KCNK2: variants seen among roughly 807,000 people sequenced by gnomAD.
KCNK2 encodes the protein potassium two pore domain channel subfamily K member 2.
In KCNK2, 21 loss-of-function variants were observed where a neutral mutation model predicts 40.5. The observed-to-expected ratio is 0.52, with a 90% CI of 0.37 to 0.75. The LOEUF (loss-of-function observed/expected upper bound fraction) is 0.75, where lower values mean the gene tolerates loss of function less well. Ranked by LOEUF, KCNK2 falls within the 30% of genes least tolerant of loss-of-function variation. The probability of loss-of-function intolerance (pLI) is 0.00; values close to 1 mark genes in which losing one functional copy is unlikely to be tolerated. For missense variants in KCNK2, 399 were observed against 531.6 expected (o/e 0.75, Z 2.45); for synonymous variants, 191 against 202.2 (o/e 0.94, Z 0.47).
chr1:215,060,942 A>G (rs1339963428), intron 1 of KCNK2, among the ~76,000 whole-genome samples: 1 of 152,210 alleles, frequency 6.6e-6, no homozygotes, highest in African/African-American at 2.4e-5. Context: ...TTTTCTGATT[A>G]CAGAAGACAT....
chr1:215,202,829 G>C (rs993013514), intron 6 of KCNK2, among the ~76,000 whole-genome samples: 2 of 152,200 alleles, frequency 1.3e-5, no homozygotes, highest in African/African-American at 4.8e-5. Context: ...AGCTAGTAAA[G>C]TGGAAGAATC....
At chr1:215,182,959 C>T (rs1243061443) in intron 5 of KCNK2, among the ~76,000 whole-genome samples, 1 of 152,162 alleles carries the variant, frequency 6.6e-6, no homozygotes, top group Admixed American at 6.5e-5. Flanking sequence ...CAGAGGGAGG[C>T]TATCTGCCTC....
intron 6 of KCNK2, among the ~76,000 whole-genome samples, chr1:215,217,509 A>G (rs961267386): frequency 2.0e-5 from 3 of 152,086 alleles, no homozygotes; most frequent in African/African-American, 7.2e-5. Context: ...TTTATTACTC[A>G]CTTCTCATCT....
chr1:215,101,740 G>A (rs75527349), intron 2 of KCNK2, among the ~76,000 whole-genome samples: 12,525 of 152,006 alleles, frequency 0.082, 570 homozygotes, highest in Middle Eastern at 0.15. Flanking sequence ...TTATAATGGA[G>A]CTAAGAGTTC....
intron 6 of KCNK2, among the ~76,000 whole-genome samples, chr1:215,196,334 G>A (rs1448631135): frequency 1.7e-4 from 26 of 151,900 alleles, no homozygotes; most frequent in Admixed American, 1.4e-3. Context: ...TGATCTGCCC[G>A]CCTCTGCCTC....
At chr1:215,010,604 A>G (rs1375857007) in intron 1 of KCNK2, among the ~76,000 whole-genome samples, 2 of 152,142 alleles carry the variant, frequency 1.3e-5, no homozygotes, top group African/African-American at 4.8e-5. Context: ...CATGACGCCA[A>G]AGTGTTTTGT....
chr1:215,129,507 G>C (rs1022487992), intron 3 of KCNK2, among the ~76,000 whole-genome samples: 4 of 152,192 alleles, frequency 2.6e-5, no homozygotes, highest in African/African-American at 7.2e-5. Flanking sequence ...GTGTTCTAAA[G>C]AGGCTGATTC....
At position 215,150,062 on chromosome 1, in the gene KCNK2, C is replaced by T. The variant is rs192158772; in HGVS notation, c.476-19137C>T. On this transcript the variant is annotated intron_variant, in intron 3 of 6. Transcript: ENST00000444842. Reference sequence around the variant, plus strand: ...TGATTATAGAACTGATCGTTATGATCTAGTAAGATCAGTCTTAGTAAAGGG... The same window carrying T: ...TGATTATAGAACTGATCGTTATGATTTAGTAAGATCAGTCTTAGTAAAGGG... Among the ~76,000 whole-genome samples, 130 of 152,218 alleles carry T rather than the reference C, an allele frequency of 8.5e-4. 1 individual carries two copies. The highest frequency in any genetic ancestry group is 3.0e-3 in the African/African-American group (124 of 41,546).
At position 215,146,659 on chromosome 1, in the gene KCNK2, A is replaced by G. The variant is rs907725720; in HGVS notation, c.475+21909A>G. On this transcript the variant is annotated intron_variant, in intron 3 of 6. Transcript: ENST00000444842. Reference sequence around the variant, plus strand: ...ATGGCATGTCCCAAACCAGATTTATATGTTGTAGTTATGCAACTGAGAAAA... The same window carrying G: ...ATGGCATGTCCCAAACCAGATTTATGTGTTGTAGTTATGCAACTGAGAAAA... Among the ~76,000 whole-genome samples the G allele has an allele frequency of 3.0e-4, 45 of 152,216 alleles. 1 individual carries two copies. The highest frequency in any genetic ancestry group is 2.4e-3 in the Admixed American group (37 of 15,284).
At chr1:215,184,964 A>G (rs1490350127) in intron 5 of KCNK2, among the ~76,000 whole-genome samples, 2 of 152,180 alleles carry the variant, frequency 1.3e-5, no homozygotes, top group African/African-American at 4.8e-5. Context: ...CCAGCTTAGG[A>G]AAAAAATATT....
intron 3 of KCNK2, among the ~76,000 whole-genome samples, chr1:215,155,737 T>A (rs1418581117): frequency 6.6e-6 from 1 of 152,138 alleles, no homozygotes; most frequent in Non-Finnish European, 1.5e-5. Flanking sequence ...GCCAGGTTGG[T>A]CTCCATCTCT....
intron 3 of KCNK2, among the ~76,000 whole-genome samples, chr1:215,127,495 A>G (rs1661487447): frequency 6.6e-6 from 1 of 152,132 alleles, no homozygotes; most frequent in Admixed American, 6.5e-5. Context: ...CTTCCATTCC[A>G]TATACCAGTC....
intron 3 of KCNK2, among the ~76,000 whole-genome samples, chr1:215,142,021 T>C (rs12127285): frequency 0.048 from 7,359 of 152,216 alleles, 199 homozygotes; most frequent in Middle Eastern, 0.13. Context: ...ACTTTTTTTC[T>C]GTAATTCTGG....
intron 1 of KCNK2, among the ~76,000 whole-genome samples, chr1:215,011,631 A>C (rs1656393393): frequency 7.3e-6 from 1 of 136,130 alleles, no homozygotes; most frequent in Non-Finnish European, 1.6e-5. Context: ...TTTGAGATGG[A>C]GTCTCACTCT....
At chr1:215,123,617 C>T (rs1258264561) in intron 2 of KCNK2, among the ~76,000 whole-genome samples, 2 of 152,130 alleles carry the variant, frequency 1.3e-5, no homozygotes, top group East Asian at 1.9e-4. Flanking sequence ...AGTAGTACCC[C>T]GTTTTCAGAG....
intron 1 of KCNK2, among the ~76,000 whole-genome samples, chr1:215,039,165 G>C (rs1220644274): frequency 6.6e-6 from 1 of 152,058 alleles, no homozygotes; most frequent in Non-Finnish European, 1.5e-5. Context: ...GAGTCAATTT[G>C]TAAGTCTTGC....
At chr1:215,217,376 A>C (rs1445274338) in intron 6 of KCNK2, among the ~76,000 whole-genome samples, 1 of 152,232 alleles carries the variant, frequency 6.6e-6, no homozygotes, top group Non-Finnish European at 1.5e-5. Flanking sequence ...CATTAGGCAG[A>C]GTTTAAATAT....
At position 215,146,057 on chromosome 1, in the gene KCNK2, T is replaced by G. The variant is rs552213210; in HGVS notation, c.475+21307T>G. On this transcript the variant is annotated intron_variant, in intron 3 of 6. Coordinates refer to ENST00000444842, the MANE Select transcript of KCNK2 (RefSeq NM_001017425.3). ...GCCAATATTTAGTGCTCGTGTTTTA[T>G]TAACAAAATGCATATCTTTAAACAC... Among the ~76,000 whole-genome samples, 6 of 152,320 alleles carry G rather than the reference T, an allele frequency of 3.9e-5. No individual in the cohort carries two copies. The South Asian group carries it at 1.0e-3, about 26-fold the overall frequency.
chr1:215,185,031 G>A (rs1352862798), intron 5 of KCNK2, among the ~76,000 whole-genome samples: 1 of 152,062 alleles, frequency 6.6e-6, no homozygotes, highest in African/African-American at 2.4e-5. Context: ...AGTATCATAG[G>A]AGAATAGGAG....
Sources: allele counts gnomAD v4.1 joint callset (sites outside exome capture counted in the v4.1 genomes callset), GRCh38; gene constraint gnomAD v4.1.1; transcripts MANE v1.5; gene names NCBI Gene and HGNC (gene_info 2026-07-23, HGNC 2026-07-21).